GRM7: variants seen among roughly 807,000 people sequenced by gnomAD.
The protein encoded by GRM7 is metabotropic glutamate receptor 7.
GRM7 carries 35 observed loss-of-function variants against 84.5 expected under a neutral mutation model. The observed-to-expected ratio is 0.41, with a 90% CI of 0.32 to 0.55. The LOEUF (loss-of-function observed/expected upper bound fraction) is 0.55, where lower values mean the gene tolerates loss of function less well. GRM7 is among the 20% of genes least tolerant of loss of function. The pLI is 0.19. For missense variants in GRM7, 1,003 were observed against 1,194.6 expected (o/e 0.84, Z 2.36); for synonymous variants, 487 against 455.1 (o/e 1.07, Z -0.89).
intron 1 of GRM7, among the ~76,000 whole-genome samples, chr3:7,065,229 T>C (rs1313930807): frequency 1.3e-5 from 2 of 151,902 alleles, no homozygotes; most frequent in Non-Finnish European, 2.9e-5. Flanking sequence ...TTTTATTGCA[T>C]TTGCTTTTGG....
chr3:7,424,344 A>T (rs1696517822), intron 5 of GRM7, among the ~76,000 whole-genome samples: 1 of 151,968 alleles, frequency 6.6e-6, no homozygotes, highest in African/African-American at 2.4e-5. Context: ...CTCCTCCATG[A>T]CTTAAGTAGC....
At chr3:7,245,916 A>G (rs1461457822) in intron 2 of GRM7, among the ~76,000 whole-genome samples, 1 of 152,134 alleles carries the variant, frequency 6.6e-6, no homozygotes, top group Non-Finnish European at 1.5e-5. Context: ...GCATCAAATT[A>G]ATAAAACATT....
In GRM7 at chr3:7,418,367, A is replaced by C. The variant is rs565900010; in HGVS notation, c.1174+3204A>C. Among the ~76,000 whole-genome samples the C allele has an allele frequency of 7.2e-5, 11 of 152,302 alleles. No individual in the cohort carries two copies. In the South Asian group the frequency reaches 2.3e-3, roughly 32 times the overall value. ...CAGCGTGAAATGCAGTTCAGCAAGT[A>C]TGTGGTTGTCCAAGCTATCACAGAA... On this transcript the variant is annotated intron_variant, in intron 5 of 9. Coordinates refer to ENST00000357716, the MANE Select transcript of GRM7 (RefSeq NM_000844.4).
chr3:7,089,468 G>A (rs1698585829), intron 1 of GRM7, among the ~76,000 whole-genome samples: 1 of 152,130 alleles, frequency 6.6e-6, no homozygotes, highest in Non-Finnish European at 1.5e-5. Context: ...CCAAGATGCT[G>A]ACTATGAGCT....
At chr3:7,717,246 C>T (rs764287295) in intron 9 of GRM7, among the ~76,000 whole-genome samples, 1 of 151,854 alleles carries the variant, frequency 6.6e-6, no homozygotes, top group Non-Finnish European at 1.5e-5. Context: ...AAAAAACAGA[C>T]AGAAAAGACT....
intron 8 of GRM7, among the ~76,000 whole-genome samples, chr3:7,647,789 G>T (rs1016191683): frequency 6.6e-6 from 1 of 150,988 alleles, no homozygotes; most frequent in African/African-American, 2.4e-5. Flanking sequence ...AATGGAGGAT[G>T]GAAAGAGTCA....
At chr3:7,509,680 G>T (rs924354) in intron 7 of GRM7, among the ~76,000 whole-genome samples, 109,711 of 152,098 alleles carry the variant, frequency 0.72, 40,082 homozygotes, top group African/African-American at 0.8. Flanking sequence ...CAGTAACAAT[G>T]TTTCTTTAGT....
chr3:7,581,929 C>G (rs1047958504), intron 8 of GRM7, among the ~76,000 whole-genome samples: 3 of 151,896 alleles, frequency 2.0e-5, no homozygotes, highest in African/African-American at 7.3e-5. Context: ...TATGGGAGAC[C>G]ACTGCTATCT....
intron 1 of GRM7, among the ~76,000 whole-genome samples, chr3:6,898,378 A>G (rs1336480536): frequency 1.4e-5 from 2 of 148,028 alleles, no homozygotes; most frequent in South Asian, 2.2e-4. Context: ...CATTCCAAAT[A>G]GAGATAAAGC....
chr3:7,457,550 AC>A (rs1463778997), intron 6 of GRM7, among the ~76,000 whole-genome samples: 2 of 152,192 alleles, frequency 1.3e-5, no homozygotes, highest in African/African-American at 4.8e-5. Flanking sequence ...TTTCTAGAAA[AC>A]AAATTGGAGT....
rs143072000 is a variant in GRM7, at chr3:7,485,856, ACT to A, written c.1515+24137_1515+24138del. ...ATGGATTAATAATTCATGTTCACAA[ACT>A]CTGTTCACATGTAAGAGTCAAGCTG... On this transcript the variant is annotated intron_variant, in intron 7 of 9. Transcript: ENST00000357716. Among the ~76,000 whole-genome samples the A allele has an allele frequency of 7.7e-3, 1,168 of 152,208 alleles. 17 individuals are homozygous for A. The highest frequency in any genetic ancestry group is 0.027 in the African/African-American group (1,110 of 41,520).
intron 1 of GRM7, among the ~76,000 whole-genome samples, chr3:7,105,010 A>G (rs1266893972): frequency 6.6e-6 from 1 of 151,828 alleles, no homozygotes; most frequent in African/African-American, 2.4e-5. Flanking sequence ...TACATGGTTG[A>G]ATAGTTCCCT....
At chr3:7,638,131 C>T (rs557743402) in intron 8 of GRM7, among the ~76,000 whole-genome samples, 30 of 152,244 alleles carry the variant, frequency 2.0e-4, no homozygotes, top group East Asian at 1.2e-3. Context: ...TATTTCCACA[C>T]TTCCTTTAAT....
intron 7 of GRM7, among the ~76,000 whole-genome samples, chr3:7,547,888 C>G (rs1693246711): frequency 6.6e-6 from 1 of 152,200 alleles, no homozygotes; most frequent in African/African-American, 2.4e-5. Context: ...GCAAGTGAAT[C>G]ATTTCACTAA....
intron 1 of GRM7, among the ~76,000 whole-genome samples, chr3:6,877,017 G>A (rs867073599): frequency 6.6e-6 from 1 of 152,164 alleles, no homozygotes; most frequent in Non-Finnish European, 1.5e-5. Flanking sequence ...GCTTACAGGA[G>A]GTGAGGAGTG....
At chr3:7,077,390 G>A (rs1339123494) in intron 1 of GRM7, among the ~76,000 whole-genome samples, 1 of 152,096 alleles carries the variant, frequency 6.6e-6, no homozygotes, top group Non-Finnish European at 1.5e-5. Context: ...ATACTATGCA[G>A]CCATAAAAAA....
intron 1 of GRM7, among the ~76,000 whole-genome samples, chr3:7,031,503 G>A (rs868230699): frequency 3.2e-4 from 48 of 151,634 alleles, no homozygotes; most frequent in African/African-American, 9.9e-4. Context: ...TGCAAGCTCC[G>A]CCTCCCGGGT....
intron 1 of GRM7, among the ~76,000 whole-genome samples, chr3:7,110,866 A>G (rs1286588094): frequency 2.0e-5 from 3 of 152,056 alleles, no homozygotes; most frequent in African/African-American, 4.8e-5. Flanking sequence ...ATGAACACAG[A>G]TGAGGAACAT....
rs570062749 is a variant in GRM7 at position 7,134,034 on chromosome 3, C to A, written c.520-12418C>A. ...ACACACACATGCAACCCCTCCCATA[C>A]TTATAACTAAGATGTCTATTTAAGC... On this transcript the variant is annotated intron_variant, in intron 1 of 9. Transcript: ENST00000357716. Among the ~76,000 whole-genome samples, 30 of 152,264 alleles carry A rather than the reference C, an allele frequency of 2.0e-4. No individual in the cohort carries two copies. In the South Asian group the frequency reaches 6.2e-3, roughly 32 times the overall value.
Sources: allele counts gnomAD v4.1 joint callset (sites outside exome capture counted in the v4.1 genomes callset), GRCh38; gene constraint gnomAD v4.1.1; transcripts MANE v1.5; gene names NCBI Gene and HGNC (gene_info 2026-07-23, HGNC 2026-07-21).